Variants in INPP5D observed in about 807,000 individuals in gnomAD.
INPP5D encodes phosphatidylinositol 3,4,5-trisphosphate 5-phosphatase 1.
Under a neutral mutation model 122.9 loss-of-function variants are expected in INPP5D, and 33 were observed. The observed-to-expected ratio is 0.27, with a 90% CI of 0.20 to 0.36. The LOEUF (loss-of-function observed/expected upper bound fraction) is 0.36. Among genes scored for constraint, INPP5D ranks in the 10% least tolerant of loss-of-function variants. The pLI is 1.00. For missense variants in INPP5D, 1,053 were observed against 1,412.7 expected (o/e 0.75, Z 4.08); for synonymous variants, 584 against 576.2 (o/e 1.01, Z -0.19).
intron 22 of INPP5D, among the ~76,000 whole-genome samples, chr2:233,192,400 T>C (rs150641754): frequency 7.9e-5 from 12 of 152,334 alleles, no homozygotes; most frequent in African/African-American, 2.9e-4. Context: ...AACAGTCTCA[T>C]TCCAGTAATC....
intron 1 of INPP5D, among the ~76,000 whole-genome samples, chr2:233,068,076 G>A (rs1248594627): frequency 4.6e-5 from 7 of 151,964 alleles, no homozygotes; most frequent in Non-Finnish European, 7.4e-5. Context: ...ACCTGAGGTC[G>A]GGAGTTCAAG....
chr2:233,115,526 C>T (rs1349787863), intron 2 of INPP5D, among the ~76,000 whole-genome samples: 1 of 152,140 alleles, frequency 6.6e-6, no homozygotes, highest in Admixed American at 6.6e-5. Flanking sequence ...TGGACAACGG[C>T]TGTTCTTTGT....
At chr2:233,075,042 AC>A (rs2106205270) in intron 1 of INPP5D, among the ~76,000 whole-genome samples, 1 of 147,714 alleles carries the variant, frequency 6.8e-6, no homozygotes, top group African/African-American at 2.7e-5. Flanking sequence ...ATCAGGGTTG[AC>A]CTGGTCCAGA....
chr2:233,093,669 GA>G (rs1190562803), intron 2 of INPP5D, among the ~76,000 whole-genome samples: 2 of 144,480 alleles, frequency 1.4e-5, no homozygotes, highest in African/African-American at 5.2e-5. Flanking sequence ...GCGACAGAGT[GA>G]GACACTGTCT....
chr2:233,139,437 G>C (rs970352863), intron 5 of INPP5D, among the ~76,000 whole-genome samples: 1 of 151,138 alleles, frequency 6.6e-6, no homozygotes, highest in Non-Finnish European at 1.5e-5. Context: ...TCAATCAGGC[G>C]GGAGCCCAGA....
intron 24 of INPP5D, 116 bp downstream of exon 24, chr2:233,195,611 C>A: frequency 6.6e-7 from 1 of 1,510,786 alleles, no homozygotes; most frequent in Non-Finnish European, 8.9e-7. Context: ...CTTTGGGAGG[C>A]CAAGGCTGGA....
At chr2:233,119,761 C>A (rs1215313223) in intron 2 of INPP5D, among the ~76,000 whole-genome samples, 1 of 152,198 alleles carries the variant, frequency 6.6e-6, no homozygotes, top group Non-Finnish European at 1.5e-5. Context: ...TGTGTCCTCA[C>A]TAGGACTTGG....
chr2:233,073,158 A>G (rs1387293106), intron 1 of INPP5D, among the ~76,000 whole-genome samples: 2 of 152,172 alleles, frequency 1.3e-5, no homozygotes, highest in Non-Finnish European at 2.9e-5. Context: ...TGCACAGGGC[A>G]GGTGGAAAAG....
intron 6 of INPP5D, among the ~76,000 whole-genome samples, chr2:233,143,155 T>C (rs1051279262): frequency 3.3e-5 from 5 of 152,248 alleles, no homozygotes; most frequent in African/African-American, 1.2e-4. Flanking sequence ...TGACTTAATA[T>C]ATTTCAGATG....
In INPP5D at chr2:233,096,599, C is replaced by A. The variant is rs1324353678; in HGVS notation, c.198+17201C>A. Reference sequence around the variant, plus strand: ...CCTGGGAGGCGGAGGTTGCAGCGAGCCGAGATCACACCACTGCACTCCAGC... The same window carrying A: ...CCTGGGAGGCGGAGGTTGCAGCGAGACGAGATCACACCACTGCACTCCAGC... On this transcript the variant is annotated intron_variant, in intron 2 of 26. Transcript: ENST00000445964. 5.3e-5 allele frequency among the ~76,000 whole-genome samples: 8 copies of A among 152,114 alleles called. 1 individual carries two copies. The East Asian group carries it at 1.5e-3, about 29-fold the overall frequency.
intron 9 of INPP5D, among the ~76,000 whole-genome samples, chr2:233,157,261 C>T (rs1694078793): frequency 6.6e-6 from 1 of 152,090 alleles, no homozygotes; most frequent in African/African-American, 2.4e-5. Flanking sequence ...AAACGTATTC[C>T]TGGATTATGA....
intron 21 of INPP5D, among the ~76,000 whole-genome samples, chr2:233,187,194 C>T (rs1042603145): frequency 2.0e-5 from 3 of 151,916 alleles, no homozygotes; most frequent in Admixed American, 6.6e-5. Context: ...TTTTTTTGTT[C>T]ATTTGTTTTT....
chr2:233,173,931 AAAAAAC>A (rs1574785924), intron 17 of INPP5D, among the ~76,000 whole-genome samples: 1 of 150,992 alleles, frequency 6.6e-6, no homozygotes, highest in Non-Finnish European at 1.5e-5. Flanking sequence ...GTCTCAAAAA[AAAAAAC>A]AAAAACAAAA....
At chr2:233,132,335 C>T (rs776817471) in intron 5 of INPP5D, among the ~76,000 whole-genome samples, 32 of 152,206 alleles carry the variant, frequency 2.1e-4, no homozygotes, top group Non-Finnish European at 4.3e-4. Flanking sequence ...GTTAGATTTC[C>T]CTAACACCTC....
intron 13 of INPP5D, among the ~76,000 whole-genome samples, chr2:233,165,004 A>G (rs553897805): frequency 1.4e-4 from 22 of 152,296 alleles, no homozygotes; most frequent in African/African-American, 5.1e-4. Context: ...CGCTGGTGTC[A>G]GTGGAGAGTT....
intron 2 of INPP5D, among the ~76,000 whole-genome samples, chr2:233,087,715 A>G (rs922825774): frequency 3.3e-5 from 5 of 152,240 alleles, no homozygotes; most frequent in African/African-American, 1.2e-4. Context: ...CTTGATAAAT[A>G]CTTATTGAAT....
intron 17 of INPP5D, among the ~76,000 whole-genome samples, chr2:233,175,415 G>A (rs935626613): frequency 6.6e-5 from 10 of 151,978 alleles, no homozygotes; most frequent in East Asian, 3.8e-4. Flanking sequence ...ATTTATATAC[G>A]TTCATATAAA....
In INPP5D at chr2:233,188,686, C is replaced by T. The variant is rs1345454750; in HGVS notation, c.2359-1164C>T. ...AAGCGATTTGCCTGTCTCAGCCTCC[C>T]GAGTACCTGGGACGACAGGCACGCC... On this transcript the variant is annotated intron_variant, in intron 21 of 26. Coordinates refer to ENST00000445964, the MANE Select transcript of INPP5D (RefSeq NM_001017915.3). This position sits in a 1 kb window ranked among gnomAD's most constrained non-coding sequence, Gnocchi z 4.7. Among the ~76,000 whole-genome samples the T allele has an allele frequency of 1.3e-5, 2 of 152,146 alleles. No individual in the cohort carries two copies. The highest frequency in any genetic ancestry group is 2.1e-4 in the South Asian group (1 of 4,830).
chr2:233,125,329 A>G (rs1030989399), intron 3 of INPP5D, among the ~76,000 whole-genome samples: 2 of 152,158 alleles, frequency 1.3e-5, no homozygotes, highest in African/African-American at 4.8e-5. Context: ...GTCCCCTTCC[A>G]TGGTTTTGGC....
Sources: allele counts gnomAD v4.1 joint callset (sites outside exome capture counted in the v4.1 genomes callset), GRCh38; gene constraint gnomAD v4.1.1; non-coding constraint Gnocchi (gnomAD v3.1); transcripts MANE v1.5; gene names NCBI Gene and HGNC (gene_info 2026-07-23, HGNC 2026-07-21).